Variants in ZNF205 observed in about 807,000 individuals in gnomAD.
ZNF205 encodes zinc finger protein 205.
A neutral mutation model predicts 53.6 loss-of-function variants in ZNF205; 32 were observed. The ratio of observed to expected loss-of-function variants is 0.60; its 90% CI spans 0.45 to 0.80. The LOEUF (loss-of-function observed/expected upper bound fraction) is 0.80, where lower values mean the gene tolerates loss of function less well. Among genes scored for constraint, ZNF205 ranks in the 30% least tolerant of loss-of-function variants. The probability of loss-of-function intolerance (pLI) is 0.00; values close to 1 mark genes in which losing one functional copy is unlikely to be tolerated. For missense variants in ZNF205, 836 were observed against 782.4 expected, an observed-to-expected ratio of 1.07 and a Z score of -0.82; for synonymous variants, 382 against 334.3, an observed-to-expected ratio of 1.14 and a Z score of -1.56.
At chr16:3,113,279 C>T (rs1379080829) in intron 1 of ZNF205, 138 bp from the exon 2 acceptor site, 2 of 715,404 alleles carry the variant, frequency 2.8e-6, no homozygotes, top group East Asian at 2.9e-5. Flanking sequence ...AGCGCTGGTA[C>T]TCGTGGGGAT....
chr16:3,119,929 C>T lies in ZNF205; in HGVS notation c.1269C>T (p.Pro423=), dbSNP rs2151232877. The T allele has an allele frequency of 1.2e-6, 2 of 1,613,654 alleles. No homozygotes were observed. Among genetic ancestry groups the T allele is most frequent in the East Asian group, 4.5e-5 (2 of 44,882 alleles). ...CGGGCGCCAAGCCGCACAAGTGCCC[C>T]ATCTGCGCCAAGTGCTTCACGCAGA... ...THTGAKPHKC[P]ICAKCFTQSS... Residue 423 remains proline (P), a synonymous_variant, in exon 7 of 7, where the codon CCC becomes CCT. Coordinates refer to ENST00000219091, the MANE Select transcript of ZNF205 (RefSeq NM_001042428.2).
rs2151233720 is a variant in ZNF205 at position 3,120,504 on chromosome 16, G to A, written c.*179G>A. ...AGGGCAGGCACTCTGCGAATTAAAGGCCTTGGACTTGAAGCGCCCGCCTAC... is the reference window on the plus strand; with the variant it reads ...AGGGCAGGCACTCTGCGAATTAAAGACCTTGGACTTGAAGCGCCCGCCTAC... On this transcript the variant is annotated 3_prime_UTR_variant, in exon 7 of 7. Transcript: ENST00000219091. 3.8e-6 allele frequency: 3 copies of A among 789,402 alleles called. No homozygotes were observed. In the East Asian group the frequency reaches 8.2e-5, roughly 22 times the overall value. 48.9% of individuals were successfully genotyped at this position (789,402 alleles called of 1,614,324 possible). A position where few individuals can be genotyped will look rare whatever the true frequency, so the allele number is the denominator to read the frequency against.
intron 4 of ZNF205, 150 bp from the exon 5 acceptor site, chr16:3,116,277 C>G: frequency 1.7e-6 from 2 of 1,203,506 alleles, no homozygotes; most frequent in Non-Finnish European, 2.3e-6. Context: ...CCTTGGGTGG[C>G]TCACCTGCTT....
intron 4 of ZNF205, 91 bp downstream of exon 4, chr16:3,116,011 T>C (rs1031027778): frequency 3.7e-6 from 5 of 1,362,950 alleles, no homozygotes; most frequent in Admixed American, 2.1e-5. Context: ...CTGGCCCCAC[T>C]TGCAGCCAAG....
At chr16:3,113,283 T>C in intron 1 of ZNF205, 134 bp from the exon 2 acceptor site, 2 of 737,624 alleles carry the variant, frequency 2.7e-6, no homozygotes, top group South Asian at 3.4e-5. Flanking sequence ...CTGGTACTCG[T>C]GGGGATTTTC....
In ZNF205 at chr16:3,118,936, T is replaced by G; in HGVS notation, c.516T>G (p.Pro172=). The G allele has an allele frequency of 6.2e-7, 1 of 1,613,622 alleles. No homozygotes were observed. Among genetic ancestry groups the G allele is most frequent in the East Asian group, 2.2e-5 (1 of 44,870 alleles). ...CCTTCAGCAGGCCTTTCTGGGCCCCTCAAGCGCACGGCAAGGGTGAGGCCT... is the reference window on the plus strand; with the variant it reads ...CCTTCAGCAGGCCTTTCTGGGCCCCGCAAGCGCACGGCAAGGGTGAGGCCT... The part of the protein sequence containing the change: ...GFPFSRPFWA[P]QAHGKGEASG... Residue 172 remains proline (P), a synonymous_variant, in exon 6 of 7, where the codon CCT becomes CCG. Transcript: ENST00000219091.
chr16:3,119,420 C>T lies in ZNF205; in HGVS notation c.760C>T (p.Pro254Ser). 1 of 1,603,952 alleles carries T rather than the reference C, an allele frequency of 6.2e-7. No homozygotes were observed. Among genetic ancestry groups the T allele is most frequent in the African/African-American group, 1.3e-5 (1 of 74,782 alleles). Residue 254 changes from proline to serine, a missense_variant, in exon 7 of 7, where the codon CCG becomes TCG. Transcript: ENST00000219091. ...SSGPAKDSGQ[P>S]AEPDRTPDAA... ...AGGGCCGGCCAAAGACTCCGGGCAG[C>T]CGGCTGAGCCAGATCGCACCCCGGA...
rs1405179854 is a variant in ZNF205, at chr16:3,116,534, T to C, written c.471T>C (p.Asn157=). The C allele has an allele frequency of 7.4e-6, 12 of 1,613,716 alleles. No homozygotes were observed. Among genetic ancestry groups the C allele is most frequent in the Admixed American group, 1.7e-5 (1 of 59,990 alleles). The change falls in exon 5 of 7, where the codon AAT becomes AAC. Residue 157 remains asparagine (N), a synonymous_variant. Coordinates refer to ENST00000219091, the MANE Select transcript of ZNF205 (RefSeq NM_001042428.2). ...ACAGGGATGTCCTGCAGAAGAAAAA[T>C]GGGCTGTCACTGGGTAAGCACTCGC... is the stretch of plus-strand genomic sequence containing the variant. ...NFYRDVLQKK[N]GLSLGFPFSR...
At chr16:3,115,134 C>A in intron 2 of ZNF205, 1 of 374,322 alleles carries the variant, frequency 2.7e-6, no homozygotes, top group Non-Finnish European at 4.7e-6. Flanking sequence ...GAAGGGGTAG[C>A]TGCCCTTGGG....
intron 4 of ZNF205, 125 bp downstream of exon 4, chr16:3,116,045 G>T: frequency 2.8e-6 from 3 of 1,087,390 alleles, no homozygotes; most frequent in Non-Finnish European, 4.0e-6. Context: ...GCTCTTGCTA[G>T]TGTTGCTGGA....
intron 2 of ZNF205, 49 bp downstream of exon 2, chr16:3,113,536 C>T (rs918656682): frequency 1.4e-5 from 23 of 1,593,898 alleles, no homozygotes; most frequent in African/African-American, 4.1e-5. Context: ...GAGGCTGGTG[C>T]GGAGGAGATT....
rs370347430 is a variant in ZNF205 at position 3,119,812 on chromosome 16, C to G, written c.1152C>G (p.Arg384=). ...ACTCCACGCTGATTCAGCACCAGCG[C>G]ATCCACACCGGAGAGAAGCCCTACG... ...SHHSTLIQHQ[R]IHTGEKPYVC... The change falls in exon 7 of 7, where the codon CGC becomes CGG. Residue 384 remains arginine (R), a synonymous_variant. Coordinates refer to ENST00000219091, the MANE Select transcript of ZNF205 (RefSeq NM_001042428.2). 1.2e-6 allele frequency: 2 copies of G among 1,613,698 alleles called. No homozygotes were observed. Among genetic ancestry groups the G allele is most frequent in the Non-Finnish European group, 1.7e-6 (2 of 1,179,900 alleles).
At position 3,119,568 on chromosome 16, in the gene ZNF205, T is replaced by C. The variant is rs1413555866; in HGVS notation, c.908T>C (p.Val303Ala). 6.2e-7 allele frequency: 1 copy of C among 1,607,946 alleles called. No individual in the cohort carries two copies. Residue 303 changes from valine to alanine, a missense_variant, in exon 7 of 7, where the codon GTG (valine) becomes GCG (alanine). Val to Ala is a moderately conservative substitution (Grantham distance 64, BLOSUM62 0). Transcript: ENST00000219091. Reference sequence around the variant, plus strand: ...GAGGGCCTGGCCCCTGACAGTGAGGTGGGCAGGAAGAGCTACCGGTGCGAG... The same window carrying C: ...GAGGGCCTGGCCCCTGACAGTGAGGCGGGCAGGAAGAGCTACCGGTGCGAG... ...GEEGLAPDSE[V>A]GRKSYRCEQC...
At chr16:3,115,265 G>A (rs1567175752) in intron 2 of ZNF205, 90 bp from the exon 3 acceptor site, 7 of 1,044,392 alleles carry the variant, frequency 6.7e-6, no homozygotes, top group Non-Finnish European at 9.1e-6. Context: ...CGTCTTGCAT[G>A]TTGGTTTCCG....
chr16:3,114,340 C>T (rs1306871710), intron 2 of ZNF205, among the ~76,000 whole-genome samples: 1 of 152,162 alleles, frequency 6.6e-6, no homozygotes, highest in Non-Finnish European at 1.5e-5. Flanking sequence ...TCATTATCTG[C>T]GTGAACCTCA....
In ZNF205 at chr16:3,116,460, C is replaced by G. The variant is rs145558914; in HGVS notation, c.397C>G (p.Leu133Val). 2.4e-5 allele frequency: 38 copies of G among 1,613,994 alleles called. No homozygotes were observed. Among genetic ancestry groups the G allele is most frequent in the Non-Finnish European group, 3.2e-5 (38 of 1,180,048 alleles). ...GACTTTCGAGGATGTGGCCTTGTAC[C>G]TCTCCCGGGAGGAGTGGGGACGGCT... Reference protein sequence around the residue: ...PVTFEDVALYLSREEWGRLDH... With the variant: ...PVTFEDVALYVSREEWGRLDH... Residue 133 changes from leucine (L) to valine (V), a missense_variant, in exon 5 of 7, where the codon CTC (leucine) becomes GTC (valine). Physicochemically the swap from Leu to Val is conservative, Grantham distance 32. Coordinates refer to ENST00000219091, the MANE Select transcript of ZNF205 (RefSeq NM_001042428.2).
intron 5 of ZNF205, among the ~76,000 whole-genome samples, chr16:3,118,578 C>T (rs1259254465): frequency 1.3e-5 from 2 of 152,198 alleles, no homozygotes; most frequent in Non-Finnish European, 2.9e-5. Context: ...GGTCCTCCCA[C>T]TTGGAGGGCC....
chr16:3,118,623 C>T (rs960275261), intron 5 of ZNF205, among the ~76,000 whole-genome samples: 2 of 152,092 alleles, frequency 1.3e-5, no homozygotes, highest in African/African-American at 2.4e-5. Flanking sequence ...GGTGTAGGAG[C>T]GGGATACCCG....
Position 3,119,982 on chromosome 16 carries a change from C to T in ZNF205, c.1322C>T (p.Thr441Ile). 6.2e-7 allele frequency: 1 copy of T among 1,613,734 alleles called. No individual in the cohort carries two copies. Among genetic ancestry groups the T allele is most frequent in the Non-Finnish European group, 8.5e-7 (1 of 1,179,918 alleles). The change falls in exon 7 of 7, where the codon ACC (threonine) becomes ATC (isoleucine). Residue 441 changes from threonine to isoleucine, a missense_variant. Coordinates refer to ENST00000219091, the MANE Select transcript of ZNF205 (RefSeq NM_001042428.2). Reference sequence around the variant, plus strand: ...TCGGCGCTAGTCACCCACCAGCGCACCCACACTGGGGTCAAGCCCTATCCG... The same window carrying T: ...TCGGCGCTAGTCACCCACCAGCGCATCCACACTGGGGTCAAGCCCTATCCG... ...QSSALVTHQR[T>I]HTGVKPYPCP... is the part of the protein sequence containing the mutation.
Sources: allele counts gnomAD v4.1 joint callset (sites outside exome capture counted in the v4.1 genomes callset), GRCh38; gene constraint gnomAD v4.1.1; transcripts MANE v1.5; gene names NCBI Gene and HGNC (gene_info 2026-07-23, HGNC 2026-07-21).